The following TGM4 variants were observed in gnomAD, a reference collection of about 807,000 sequenced individuals.
The protein encoded by TGM4 is protein-glutamine gamma-glutamyltransferase 4.
Under a neutral mutation model 76.3 loss-of-function variants are expected in TGM4, and 61 were observed. The observed-to-expected ratio is 0.80, with a 90% CI of 0.65 to 0.99. The LOEUF (loss-of-function observed/expected upper bound fraction) is 0.99, where lower values mean the gene tolerates loss of function less well. TGM4 is among the 50% of genes least tolerant of loss of function. TGM4 has a pLI of 0.00. For synonymous variants in TGM4, 337 were observed against 329.8 expected (o/e 1.02, Z -0.24); for missense variants, 794 against 843.2 (o/e 0.94, Z 0.72).
In TGM4 at chr3:44,910,461, T is replaced by C. The variant is rs1699988451; in HGVS notation, c.1606+93T>C. On this transcript the variant is annotated intron_variant, in intron 11 of 13. Coordinates refer to ENST00000296125, the MANE Select transcript of TGM4 (RefSeq NM_003241.4). The stretch of plus-strand genomic sequence containing the variant: ...TCCTCTGTGGACAACTTCCATACAT[T>C]GATAAATTTTTGTGTGTGAGTTAAC... The C allele has an allele frequency of 2.1e-6, 3 of 1,445,840 alleles. No individual in the cohort carries two copies. The South Asian group carries it at 4.2e-5, about 20-fold the overall frequency. 89.6% of individuals were successfully genotyped at this position (1,445,840 alleles called of 1,614,324 possible).
intron 6 of TGM4, among the ~76,000 whole-genome samples, chr3:44,900,242 C>T (rs1406169046): frequency 6.6e-6 from 1 of 152,240 alleles, no homozygotes; most frequent in African/African-American, 2.4e-5. Context: ...CAGGAGGACG[C>T]AGCAGCCGGA....
In TGM4 at chr3:44,913,065, G is replaced by A. The variant is rs146166866; in HGVS notation, c.1914-519G>A. Among the ~76,000 whole-genome samples, 49 of 152,292 alleles carry A rather than the reference G, an allele frequency of 3.2e-4. No individual in the cohort carries two copies. The East Asian group carries it at 7.5e-3, about 23-fold the overall frequency. On this transcript the variant is annotated intron_variant, in intron 13 of 13. Coordinates refer to ENST00000296125, the MANE Select transcript of TGM4 (RefSeq NM_003241.4). ...AGACCACGATTTATCACATTTTAAT[G>A]TGCACACAAATTACCTGGGGAGTAT...
chr3:44,913,949 A>G lies in TGM4; in HGVS notation c.*224A>G, dbSNP rs940644269. The G allele has an allele frequency of 1.2e-4, 58 of 484,438 alleles. No individual in the cohort carries two copies. Among genetic ancestry groups the G allele is most frequent in the African/African-American group, 1.0e-3 (52 of 50,566 alleles). The allele number at this position is 484,438 out of a possible 1,614,324, so 30.0% of individuals were successfully genotyped here. On this transcript the variant is annotated 3_prime_UTR_variant, in exon 14 of 14. Coordinates refer to ENST00000296125, the MANE Select transcript of TGM4 (RefSeq NM_003241.4). ...ACAGTTAGAAACACCAGCCGAGGCC[A>G]CAGAATCCCATCCCTTTCCTGAGTC...
chr3:44,914,330 C>A lies in TGM4; in HGVS notation c.*605C>A, dbSNP rs549863469. On this transcript the variant is annotated 3_prime_UTR_variant, in exon 14 of 14. Coordinates refer to ENST00000296125, the MANE Select transcript of TGM4 (RefSeq NM_003241.4). ...AGGGCCATGTGGTTTTGCAGACAAC[C>A]CTGTCCTCAGGCCTGAACTCACCAT... 6.5e-6 allele frequency: 1 copy of A among 153,010 alleles called. No individual in the cohort carries two copies. The highest frequency in any genetic ancestry group is 1.5e-5 in the Non-Finnish European group (1 of 68,692). 9.5% of individuals were successfully genotyped at this position (153,010 alleles called of 1,614,324 possible).
In TGM4 at chr3:44,901,617, C is replaced by T; in HGVS notation, c.751C>T (p.Pro251Ser). Residue 251 changes from proline to serine, a missense_variant, in exon 7 of 14, where the codon CCG (proline) becomes TCG (serine). Transcript: ENST00000296125. ...CCCATACAAGTGGACAGGCAGTGCC[C>T]CGATCCTGCAGCAGTACTACAACAC... ...TAPYKWTGSA[P>S]ILQQYYNTKQ... 6.2e-7 allele frequency: 1 copy of T among 1,614,140 alleles called. No individual in the cohort carries two copies. Among genetic ancestry groups the T allele is most frequent in the South Asian group, 1.1e-5 (1 of 91,068 alleles).
In TGM4 at chr3:44,880,997, C is replaced by T. The variant is rs147008727; in HGVS notation, c.20-4328C>T. Among the ~76,000 whole-genome samples, 57 of 152,116 alleles carry T rather than the reference C, an allele frequency of 3.7e-4. No individual in the cohort carries two copies. The East Asian group carries it at 0.01, about 27-fold the overall frequency. The stretch of plus-strand genomic sequence containing the variant: ...TTTTTGGAGGCTGAGGCAGGAGGAT[C>T]GCTTGAATTCAGGAGTTTGAGACCA... On this transcript the variant is annotated intron_variant, in intron 1 of 13. Transcript: ENST00000296125.
Position 44,901,935 on chromosome 3 carries a change from G to A in TGM4, c.971+4G>A. The stretch of plus-strand genomic sequence containing the variant: ...GTATGACCCACGACTCTGTCTGGTA[G>A]GGTTCCTCCTTCTCAACCTGCCCTG... On this transcript the variant is annotated splice_donor_region_variant and intron_variant, in intron 8 of 13. Transcript: ENST00000296125. 6.2e-7 allele frequency: 1 copy of A among 1,613,096 alleles called. No homozygotes were observed. Among genetic ancestry groups the A allele is most frequent in the Non-Finnish European group, 8.5e-7 (1 of 1,179,346 alleles).
chr3:44,903,939 T>C lies in TGM4; in HGVS notation c.1027T>C (p.Tyr343His). ...WMKRPDLPKG[Y>H]DGWQAVDATP... is the part of the protein sequence containing the mutation. ...GAAGCGACCGGATCTGCCCAAGGGCTACGACGGCTGGCAGGCTGTGGACGC... is the reference window on the plus strand; with the variant it reads ...GAAGCGACCGGATCTGCCCAAGGGCCACGACGGCTGGCAGGCTGTGGACGC... Residue 343 changes from tyrosine to histidine, a missense_variant, in exon 9 of 14, where the codon TAC (tyrosine) becomes CAC (histidine). Transcript: ENST00000296125. The C allele has an allele frequency of 1.9e-6, 3 of 1,614,220 alleles. No individual in the cohort carries two copies. The South Asian group carries it at 3.3e-5, about 18-fold the overall frequency.
Position 44,910,385 on chromosome 3 carries a change from G to C in TGM4, c.1606+17G>C, listed in dbSNP as rs1575728499. The C allele has an allele frequency of 6.2e-7, 1 of 1,609,258 alleles. No homozygotes were observed. The highest frequency in any genetic ancestry group is 8.5e-7 in the Non-Finnish European group (1 of 1,176,342). On this transcript the variant is annotated intron_variant, in intron 11 of 13. Coordinates refer to ENST00000296125, the MANE Select transcript of TGM4 (RefSeq NM_003241.4). ...AAGGTCAAGGTACCAGAACCAGAGG[G>C]AGGAGAGGCCTCAAGTGGGCTCAGG...
At chr3:44,892,258 A>C (rs1279035308) in intron 4 of TGM4, among the ~76,000 whole-genome samples, 1 of 151,360 alleles carries the variant, frequency 6.6e-6, no homozygotes, top group Non-Finnish European at 1.5e-5. Context: ...ACTCTGTCTC[A>C]AAAATAAATA....
At chr3:44,883,000 T>C (rs1699553911) in intron 1 of TGM4, among the ~76,000 whole-genome samples, 1 of 152,200 alleles carries the variant, frequency 6.6e-6, no homozygotes, top group African/African-American at 2.4e-5. Flanking sequence ...TCTTAACTGC[T>C]CTTTCCTGCT....
At position 44,910,892 on chromosome 3, in the gene TGM4, TGAG is replaced by T. The variant is rs373241191; in HGVS notation, c.1607-62_1607-60del. ...AAAGTTAATCTAATTCTGTGCTTGA[TGAG>T]GAGAACTCATACTGGGGGGGTATGA... On this transcript the variant is annotated intron_variant, in intron 11 of 13. Transcript: ENST00000296125. The T allele has an allele frequency of 1.1e-4, 175 of 1,537,974 alleles. No individual in the cohort carries two copies. In the African/African-American group the frequency reaches 1.2e-3, roughly 11 times the overall value.
intron 10 of TGM4, among the ~76,000 whole-genome samples, chr3:44,908,413 G>GTT (rs138110500): frequency 8.7e-5 from 13 of 149,860 alleles, no homozygotes; most frequent in Admixed American, 2.7e-4. Flanking sequence ...TTTGTTTTTT[G>GTT]TTTTTTTTGC....
chr3:44,881,439 A>C (rs909418045), intron 1 of TGM4, among the ~76,000 whole-genome samples: 23 of 152,234 alleles, frequency 1.5e-4, no homozygotes, highest in African/African-American at 5.3e-4. Context: ...CATTTATTAC[A>C]GTTATGGAGG....
At chr3:44,878,023 T>C (rs1005434641) in intron 1 of TGM4, among the ~76,000 whole-genome samples, 1 of 151,948 alleles carries the variant, frequency 6.6e-6, no homozygotes, top group African/African-American at 2.4e-5. Context: ...TGGTGATGCA[T>C]GCCTGTAGTG....
At chr3:44,874,724 C>T in intron 1 of TGM4, 27 bp downstream of exon 1, 1 of 1,614,014 alleles carries the variant, frequency 6.2e-7, no homozygotes. Flanking sequence ...TCCATGGAGC[C>T]CCACATGCCC....
At position 44,887,601 on chromosome 3, in the gene TGM4, G is replaced by T. The variant is rs373150665; in HGVS notation, c.194-88G>T. 6 of 1,201,280 alleles carry T rather than the reference G, an allele frequency of 5.0e-6. No homozygotes were observed. The African/African-American group carries it at 6.0e-5, about 12-fold the overall frequency. 74.4% of individuals were successfully genotyped at this position (1,201,280 alleles called of 1,614,324 possible). A position where few individuals can be genotyped will look rare whatever the true frequency, so the allele number is the denominator to read the frequency against. On this transcript the variant is annotated intron_variant, in intron 2 of 13. Transcript: ENST00000296125. ...TGGAAAGGAGGGGTGGGGGCTCCAT[G>T]AGTGGGCAGTAGGTGGGCCCGAACC...
intron 8 of TGM4, 99 bp downstream of exon 8, chr3:44,902,030 T>C (rs990135959): frequency 2.8e-5 from 40 of 1,442,680 alleles, no homozygotes; most frequent in Non-Finnish European, 3.3e-5. Context: ...CCCAGGCTGG[T>C]CTTGAACTGG....
chr3:44,905,339 G>A lies in TGM4; in HGVS notation c.1075+1352G>A, dbSNP rs1055869230. On this transcript the variant is annotated intron_variant, in intron 9 of 13. Coordinates refer to ENST00000296125, the MANE Select transcript of TGM4 (RefSeq NM_003241.4). ...GTCCAACTGCTCAGAAGGAAACTTC[G>A]TGTGCCACCTCATAATGTAAAGCAG... 7.9e-5 allele frequency among the ~76,000 whole-genome samples: 12 copies of A among 151,558 alleles called. 1 individual carries two copies. Among genetic ancestry groups the A allele is most frequent in the East Asian group, 1.9e-4 (1 of 5,160 alleles).
Sources: gnomAD v4.1 joint callset for allele counts (sites outside exome capture counted in the v4.1 genomes callset) on GRCh38, gnomAD v4.1.1 for gene constraint, MANE v1.5 for transcripts, NCBI Gene and HGNC (gene_info 2026-07-23, HGNC 2026-07-21) for gene names.